The following SPATA31H1 variants were observed in gnomAD, a reference collection of about 807,000 sequenced individuals.
SPATA31H1 encodes the protein SPATA31 subfamily H member 1.
At chr2:27,581,294 A>G in the SPATA31H1 span, 1 of 1,593,426 alleles carries the variant, frequency 6.3e-7, no homozygotes, top group Admixed American at 1.7e-5. Flanking sequence ...AGAGAAGCCA[A>G]CGCAGTTCCT....
At chr2:27,570,613 G>A in the SPATA31H1 span, 5 of 398,730 alleles carry the variant, frequency 1.3e-5, no homozygotes, top group South Asian at 6.4e-4. Flanking sequence ...TTAGTACCAG[G>A]AACTCAACCT....
the SPATA31H1 span, chr2:27,565,280 A>G: frequency 1.4e-6 from 1 of 707,308 alleles, no homozygotes; most frequent in South Asian, 1.5e-5. Context: ...TGCTGTCAAT[A>G]AAGTCTCTAA....
At chr2:27,579,619 C>A in the SPATA31H1 span, 1 of 1,614,180 alleles carries the variant, frequency 6.2e-7, no homozygotes, top group South Asian at 1.1e-5. Flanking sequence ...CAACATATGC[C>A]TGTCTCATGT....
chr2:27,580,106 C>T, the SPATA31H1 span: 1 of 1,614,036 alleles, frequency 6.2e-7, no homozygotes, highest in Non-Finnish European at 8.5e-7. Context: ...GATCCCAAAT[C>T]TCAAAGTATC....
At chr2:27,567,679 C>T in the SPATA31H1 span, 3 of 400,412 alleles carry the variant, frequency 7.5e-6, no homozygotes, top group South Asian at 1.3e-4. Flanking sequence ...CAAGAGGAAA[C>T]TCCTTTACTG....
At chr2:27,581,645 G>A in the SPATA31H1 span, 4 of 1,612,888 alleles carry the variant, frequency 2.5e-6, no homozygotes, top group Non-Finnish European at 3.4e-6. Context: ...GTCCCTCTGA[G>A]AGAAGACATC....
chr2:27,544,717 T>C, the SPATA31H1 span, among the ~76,000 whole-genome samples: 3 of 151,546 alleles, frequency 2.0e-5, no homozygotes, highest in African/African-American at 7.3e-5. Flanking sequence ...GTATTTTTAG[T>C]AGGGACGAGG....
chr2:27,567,210 G>A, the SPATA31H1 span: 4 of 630,554 alleles, frequency 6.3e-6, no homozygotes, highest in Admixed American at 8.4e-5. Flanking sequence ...GCCAAATTCT[G>A]TTTCCAAGGA....
chr2:27,582,259 C>T, the SPATA31H1 span: 3 of 1,613,710 alleles, frequency 1.9e-6, no homozygotes, highest in African/African-American at 1.3e-5. Flanking sequence ...CAAGGGAGGA[C>T]CTCTGAGAGG....
the SPATA31H1 span, among the ~76,000 whole-genome samples, chr2:27,549,563 C>T: frequency 1.3e-5 from 2 of 151,746 alleles, no homozygotes; most frequent in Non-Finnish European, 2.9e-5. Context: ...AATCCCAGCA[C>T]TTTGGGAGAC....
chr2:27,565,344 A>C, the SPATA31H1 span: 1 of 717,370 alleles, frequency 1.4e-6, no homozygotes, highest in South Asian at 1.5e-5. Context: ...TAGACTTCAA[A>C]GCAGCATAGA....
chr2:27,581,368 C>G, the SPATA31H1 span: 5 of 1,609,516 alleles, frequency 3.1e-6, no homozygotes, highest in Non-Finnish European at 4.2e-6. Flanking sequence ...AAAAACCATT[C>G]CAGTCCTTCT....
At chr2:27,574,771 A>T in the SPATA31H1 span, 23 of 398,400 alleles carry the variant, frequency 5.8e-5, no homozygotes, top group Non-Finnish European at 8.4e-5. Context: ...GAATCTGTGG[A>T]GTTCAACTCG....
the SPATA31H1 span, among the ~76,000 whole-genome samples, chr2:27,555,398 GCT>G: frequency 1.3e-5 from 2 of 151,910 alleles, no homozygotes; most frequent in Non-Finnish European, 2.9e-5. Flanking sequence ...AGAGCCATGT[GCT>G]ATGGTTCATG....
At chr2:27,573,767 G>A in the SPATA31H1 span, 37 of 398,368 alleles carry the variant, frequency 9.3e-5, no homozygotes, top group Middle Eastern at 1.2e-3. Flanking sequence ...AGTCTCCAGC[G>A]TTTACACAAG....
the SPATA31H1 span, among the ~76,000 whole-genome samples, chr2:27,546,016 T>C: frequency 6.6e-6 from 1 of 152,092 alleles, no homozygotes; most frequent in Non-Finnish European, 1.5e-5. Flanking sequence ...TCAAGTCTTT[T>C]GCATATTTTT....
the SPATA31H1 span, chr2:27,576,174 A>T: frequency 4.9e-6 from 2 of 405,780 alleles, no homozygotes; most frequent in South Asian, 1.2e-4. Context: ...AGAATCAGGG[A>T]CAAAATTTCA....
the SPATA31H1 span, chr2:27,570,110 C>A: frequency 2.5e-6 from 1 of 398,856 alleles, no homozygotes; most frequent in South Asian, 1.3e-4. Context: ...TGCAAGATGT[C>A]AAATTTTCTG....
At chr2:27,557,771 C>A in the SPATA31H1 span, among the ~76,000 whole-genome samples, 1 of 45,936 alleles carries the variant, frequency 2.2e-5, no homozygotes, top group Non-Finnish European at 4.3e-5. Context: ...GGGGGCTGAT[C>A]CCCCCACCTC....
Sources: gnomAD v4.1 joint callset for allele counts (sites outside exome capture counted in the v4.1 genomes callset) on GRCh38, gnomAD v4.1.1 for gene constraint, MANE v1.5 for transcripts, NCBI Gene and HGNC (gene_info 2026-07-23, HGNC 2026-07-21) for gene names.